Variants in GMFB observed in about 807,000 individuals in gnomAD.
The protein encoded by GMFB is glia maturation factor beta, also known as GMF-beta.
Under a neutral mutation model 25.6 loss-of-function variants are expected in GMFB, and 13 were observed. The ratio of observed to expected loss-of-function variants is 0.51; its 90% CI spans 0.33 to 0.81. The LOEUF is 0.81. Among genes scored for constraint, GMFB ranks in the 30% least tolerant of loss-of-function variants. GMFB has a pLI of 0.02. For missense variants in GMFB, 146 were observed against 175.4 expected (o/e 0.83, Z 0.95); for synonymous variants, 57 against 56.9 (o/e 1.00, Z 0.00).
chr14:54,475,302 T>C lies in GMFB; in HGVS notation c.*2786A>G, dbSNP rs2031623251. The C allele has an allele frequency of 6.6e-6, 1 of 152,466 alleles. No individual in the cohort carries two copies. Among genetic ancestry groups the C allele is most frequent in the African/African-American group, 2.4e-5 (1 of 41,406 alleles). 9.4% of individuals were successfully genotyped at this position (152,466 alleles called of 1,614,324 possible). A position where few individuals can be genotyped will look rare whatever the true frequency, so the allele number is the denominator to read the frequency against. ...CCTAACTGGAAATTTTTAGCTAAAG[T>C]GTCAGACAAGGATACAGTTTATGGC... On this transcript the variant is annotated 3_prime_UTR_variant, in exon 7 of 7. Coordinates refer to ENST00000358056, the MANE Select transcript of GMFB (RefSeq NM_004124.3).
rs1171485012 is a variant in GMFB, at chr14:54,474,898, T to C, written c.*3190A>G. ...CTCAAGAATATTCAGCTTGGGAGCA[T>C]TGGTTTTAAGCGGTCTAGAAGATTA... On this transcript the variant is annotated 3_prime_UTR_variant, in exon 7 of 7. Coordinates refer to ENST00000358056, the MANE Select transcript of GMFB (RefSeq NM_004124.3). 1 of 152,608 alleles carries C rather than the reference T, an allele frequency of 6.6e-6. No homozygotes were observed. Among genetic ancestry groups the C allele is most frequent in the Admixed American group, 6.5e-5 (1 of 15,282 alleles). 9.5% of individuals were successfully genotyped at this position (152,608 alleles called of 1,614,324 possible).
Position 54,483,590 on chromosome 14 carries a change from C to A in GMFB, c.100+81G>T, listed in dbSNP as rs949025317. The A allele has an allele frequency of 2.4e-5, 17 of 717,746 alleles. No homozygotes were observed. In the African/African-American group the frequency reaches 2.8e-4, roughly 12 times the overall value. The allele number at this position is 717,746 out of a possible 1,614,324, so 44.5% of individuals were successfully genotyped here. On this transcript the variant is annotated intron_variant, in intron 2 of 6. Transcript: ENST00000358056. ...CAGAGGAAGTAACATTGCTTTCCAA[C>A]GGTTCAGTTCATTCAATGTAGCTAC...
At chr14:54,481,096 G>T in intron 4 of GMFB, 140 bp from the exon 5 acceptor site, 2 of 571,478 alleles carry the variant, frequency 3.5e-6, no homozygotes, top group Non-Finnish European at 3.1e-6. Context: ...AAATTAAATG[G>T]GTTCCAAGGA....
At chr14:54,488,650 G>A (rs1483667693) in intron 1 of GMFB, 3 of 416,256 alleles carry the variant, frequency 7.2e-6, no homozygotes, top group Non-Finnish European at 1.3e-5. Flanking sequence ...CCTGGCGTGG[G>A]GCCTCCCCAA....
At chr14:54,486,159 A>C (rs1184888905) in intron 1 of GMFB, among the ~76,000 whole-genome samples, 1 of 152,196 alleles carries the variant, frequency 6.6e-6, no homozygotes, top group African/African-American at 2.4e-5. Flanking sequence ...CTGAGGCAGG[A>C]GAATCGCTTG....
chr14:54,474,570 A>T lies in GMFB; in HGVS notation c.*3518T>A, dbSNP rs1416087458. 1.3e-5 allele frequency: 2 copies of T among 152,690 alleles called. No individual in the cohort carries two copies. Among genetic ancestry groups the T allele is most frequent in the Non-Finnish European group, 2.9e-5 (2 of 68,044 alleles). The allele number at this position is 152,690 out of a possible 1,614,324, so 9.5% of individuals were successfully genotyped here. On this transcript the variant is annotated 3_prime_UTR_variant, in exon 7 of 7. Transcript: ENST00000358056. ...CCAAAATAAACATGCAATATGAACT[A>T]GCAGAGACTGAAACCACAGCTTAAG...
chr14:54,480,001 G>A, intron 5 of GMFB, 142 bp from the exon 6 acceptor site: 1 of 584,572 alleles, frequency 1.7e-6, no homozygotes, highest in Non-Finnish European at 3.0e-6. Context: ...TGTATTTTGA[G>A]TCTTACATTG....
intron 6 of GMFB, chr14:54,479,298 G>A (rs1435856666): frequency 6.6e-6 from 1 of 152,068 alleles, no homozygotes; most frequent in African/African-American, 2.4e-5. Context: ...ATAAAATAGG[G>A]ACATGTTAAA....
intron 1 of GMFB, among the ~76,000 whole-genome samples, chr14:54,485,018 C>T (rs1246606715): frequency 6.6e-6 from 1 of 151,622 alleles, no homozygotes; most frequent in Non-Finnish European, 1.5e-5. Flanking sequence ...ATAGAAAGAA[C>T]ACACCTCAAA....
At chr14:54,480,980 A>G (rs767217701) in intron 4 of GMFB, 24 bp from the exon 5 acceptor site, 2 of 1,106,336 alleles carry the variant, frequency 1.8e-6, no homozygotes, top group African/African-American at 1.6e-5. Flanking sequence ...TAAAGAAACT[A>G]AAGTTACTGC....
intron 1 of GMFB, 131 bp from the exon 2 acceptor site, chr14:54,483,898 C>T (rs2031747406): frequency 9.9e-6 from 7 of 710,206 alleles, no homozygotes; most frequent in Non-Finnish European, 1.8e-5. Flanking sequence ...GCATTAAATA[C>T]ATGAACACTT....
At chr14:54,481,363 G>C (rs374239297) in intron 4 of GMFB, 46 bp downstream of exon 4, 60 of 1,253,614 alleles carry the variant, frequency 4.8e-5, no homozygotes, top group Non-Finnish European at 6.6e-5. Context: ...AAACAGGTCT[G>C]ACCACTAAAG....
chr14:54,483,839 A>T, intron 1 of GMFB, 72 bp from the exon 2 acceptor site: 1 of 837,882 alleles, frequency 1.2e-6, no homozygotes, highest in Non-Finnish European at 2.1e-6. Context: ...TATGAAACCT[A>T]ATACCTTTAT....
At chr14:54,481,270 G>C in intron 4 of GMFB, 139 bp downstream of exon 4, 1 of 630,064 alleles carries the variant, frequency 1.6e-6, no homozygotes, top group Non-Finnish European at 2.8e-6. Flanking sequence ...ATTTTTCTTA[G>C]TCTAGTATAT....
chr14:54,487,523 A>G (rs1173252344), intron 1 of GMFB, among the ~76,000 whole-genome samples: 1 of 151,180 alleles, frequency 6.6e-6, no homozygotes, highest in Non-Finnish European at 1.5e-5. Context: ...AACGCGACAG[A>G]GCGAGACTCC....
At chr14:54,485,905 C>T (rs1333760835) in intron 1 of GMFB, among the ~76,000 whole-genome samples, 1 of 152,192 alleles carries the variant, frequency 6.6e-6, no homozygotes, top group Non-Finnish European at 1.5e-5. Context: ...GGGGAAAGGA[C>T]ACTCTCTCCA....
intron 3 of GMFB, 66 bp from the exon 4 acceptor site, chr14:54,481,524 A>G (rs2031711166): frequency 1.0e-6 from 1 of 972,392 alleles, no homozygotes; most frequent in African/African-American, 1.6e-5. Flanking sequence ...GAGATACACC[A>G]AGCACCCATT....
chr14:54,481,268 T>TAA, intron 4 of GMFB, 141 bp downstream of exon 4: 2 of 620,172 alleles, frequency 3.2e-6, no homozygotes, highest in South Asian at 4.2e-5. Context: ...TCATTTTTCT[T>TAA]AGTCTAGTAT....
chr14:54,479,986 T>C (rs1366001371), intron 5 of GMFB, 127 bp from the exon 6 acceptor site: 1 of 621,444 alleles, frequency 1.6e-6, no homozygotes, highest in Admixed American at 2.7e-5. Context: ...AGAATATATA[T>C]GGGTTGTATT....
Sources: allele counts gnomAD v4.1 joint callset (sites outside exome capture counted in the v4.1 genomes callset), GRCh38; gene constraint gnomAD v4.1.1; transcripts MANE v1.5; gene names NCBI Gene and HGNC (gene_info 2026-07-23, HGNC 2026-07-21).